The following FOXP2 variants were observed in gnomAD, a reference collection of about 807,000 sequenced individuals.
The protein encoded by FOXP2 is forkhead box protein P2.
A neutral mutation model predicts 115.8 loss-of-function variants in FOXP2; 12 were observed. That is an observed-to-expected ratio of 0.10 (90% CI 0.07 to 0.17). The LOEUF (loss-of-function observed/expected upper bound fraction) is 0.17, where lower values mean the gene tolerates loss of function less well. Among genes scored for constraint, FOXP2 ranks in the 10% least tolerant of loss-of-function variants. The pLI is 1.00. For missense variants in FOXP2, 629 were observed against 843.5 expected, an observed-to-expected ratio of 0.75 and a Z score of 3.15; for synonymous variants, 328 against 297.7, an observed-to-expected ratio of 1.10 and a Z score of -1.05.
intron 1 of FOXP2, among the ~76,000 whole-genome samples, chr7:114,164,507 A>G (rs1437117743): frequency 6.6e-6 from 1 of 151,628 alleles, no homozygotes. Flanking sequence ...CACCACACCC[A>G]GCTAACTTTT....
At chr7:114,111,732 G>T (rs1791272779) in intron 1 of FOXP2, among the ~76,000 whole-genome samples, 1 of 151,922 alleles carries the variant, frequency 6.6e-6, no homozygotes, top group Non-Finnish European at 1.5e-5. Flanking sequence ...CTGGTTGGAG[G>T]AAGAGATCTG....
chr7:114,624,373 T>C (rs1292992017), intron 3 of FOXP2, among the ~76,000 whole-genome samples: 1 of 151,912 alleles, frequency 6.6e-6, no homozygotes, highest in African/African-American at 2.4e-5. Flanking sequence ...TGTGAACCAC[T>C]AGTTGGCAGA....
chr7:114,297,613 A>T (rs901997307), intron 2 of FOXP2, among the ~76,000 whole-genome samples: 1 of 152,230 alleles, frequency 6.6e-6, no homozygotes, highest in African/African-American at 2.4e-5. Context: ...CATCTGAAAG[A>T]AGTCCTTGAC....
chr7:114,160,782 CTGTGTGTGTG>C (rs34540150), upstream of FOXP2, among the ~76,000 whole-genome samples: 6 of 147,362 alleles, frequency 4.1e-5, no homozygotes, highest in East Asian at 1.0e-3. Context: ...AGTATATTTT[CTGTGTGTGTG>C]TGTGTGTGTG....
Position 114,166,339 on chromosome 7 carries a change from A to T in FOXP2, c.-102+3251A>T, listed in dbSNP as rs1395124477. Among the ~76,000 whole-genome samples, 2 of 152,176 alleles carry T rather than the reference A, an allele frequency of 1.3e-5. 1 individual carries two copies. The highest frequency in any genetic ancestry group is 2.9e-5 in the Non-Finnish European group (2 of 68,028). ...AAGATAAGCCACAAACTGGGAGAAA[A>T]TATTTGTAAAATAGGTATCTGATAA... is the stretch of plus-strand genomic sequence containing the variant. On this transcript the variant is annotated intron_variant, in intron 1 of 17. Coordinates refer to the FOXP2 transcript ENST00000634411.
At chr7:114,504,000 T>C (rs1797688927) in intron 2 of FOXP2, among the ~76,000 whole-genome samples, 2 of 151,624 alleles carry the variant, frequency 1.3e-5, no homozygotes, top group East Asian at 3.9e-4. Flanking sequence ...ATACAACTTA[T>C]GGAAGTTCAA....
At chr7:114,522,014 A>T (rs974537799) in intron 2 of FOXP2, among the ~76,000 whole-genome samples, 1 of 152,192 alleles carries the variant, frequency 6.6e-6, no homozygotes, top group Non-Finnish European at 1.5e-5. Flanking sequence ...CTTTTAAATG[A>T]CTAGGTGCCA....
chr7:114,086,629 C>G (rs1799425165), upstream of FOXP2: 1 of 391,090 alleles, frequency 2.6e-6, no homozygotes, highest in Non-Finnish European at 5.1e-6. Context: ...TCTTGGCCCT[C>G]ACTCTGGCGC....
intron 10 of FOXP2, 48 bp from the exon 11 acceptor site, chr7:114,658,018 T>A: frequency 6.2e-7 from 1 of 1,607,086 alleles, no homozygotes; most frequent in Non-Finnish European, 8.5e-7. Context: ...TTTAAGTCTT[T>A]TTCTCTTGTC....
In FOXP2 at chr7:114,372,251, C is replaced by A. The variant is rs767625712; in HGVS notation, c.-10-54251C>A. On this transcript the variant is annotated intron_variant, in intron 2 of 17. Transcript: ENST00000634411. ...CAGGTACTTCCTAAATCCTTATATT[C>A]TATTTAAAAAAAACTGTTTGAAAGC... is the stretch of plus-strand genomic sequence containing the variant. Among the ~76,000 whole-genome samples the A allele has an allele frequency of 3.3e-5, 5 of 152,022 alleles. No homozygotes were observed. In the South Asian group the frequency reaches 6.2e-4, roughly 19 times the overall value.
chr7:114,100,970 C>T (rs1790933265), intron 1 of FOXP2, among the ~76,000 whole-genome samples: 1 of 152,106 alleles, frequency 6.6e-6, no homozygotes, highest in African/African-American at 2.4e-5. Context: ...ATTTGCAAAC[C>T]AGCAAATTAA....
At chr7:114,660,223 C>A (rs1282621509) in intron 13 of FOXP2, among the ~76,000 whole-genome samples, 1 of 152,128 alleles carries the variant, frequency 6.6e-6, no homozygotes, top group African/African-American at 2.4e-5. Context: ...TCATCTATAT[C>A]CCTGTCCAAA....
intron 1 of FOXP2, among the ~76,000 whole-genome samples, chr7:114,258,697 A>G (rs185978817): frequency 1.1e-4 from 16 of 152,358 alleles, no homozygotes; most frequent in Admixed American, 4.6e-4. Flanking sequence ...TTTATTTGAT[A>G]TATAAATTTA....
At position 114,146,274 on chromosome 7, in the gene FOXP2, T is replaced by G. The variant is rs1161260055; in HGVS notation, c.-246-16670T>G. ...CAGTAGCGTATAAATAACTCGTACA[T>G]GCTTAGCGTTCCAATAATGGAACAC... On this transcript the variant is annotated intron_variant, in intron 1 of 19. Coordinates refer to the FOXP2 transcript ENST00000635638. 2.6e-5 allele frequency among the ~76,000 whole-genome samples: 4 copies of G among 152,248 alleles called. No homozygotes were observed. The East Asian group carries it at 5.8e-4, about 22-fold the overall frequency.
chr7:114,669,473 G>A (rs990985014), intron 16 of FOXP2: 6 of 152,082 alleles, frequency 3.9e-5, no homozygotes, highest in African/African-American at 1.4e-4. Flanking sequence ...TTAAGTGTCC[G>A]AGCTGAGTAT....
chr7:114,275,773 T>C (rs1265716604), intron 1 of FOXP2, among the ~76,000 whole-genome samples: 2 of 152,242 alleles, frequency 1.3e-5, no homozygotes. Context: ...CATGATGTAC[T>C]TGGCAAAAGA....
rs1794654223 is a variant in FOXP2, at chr7:114,442,577, C to T, written c.168+15898C>T. 2.0e-5 allele frequency among the ~76,000 whole-genome samples: 3 copies of T among 152,228 alleles called. No individual in the cohort carries two copies. The South Asian group carries it at 6.2e-4, about 32-fold the overall frequency. On this transcript the variant is annotated intron_variant, in intron 2 of 16. Coordinates refer to ENST00000350908, the MANE Select transcript of FOXP2 (RefSeq NM_014491.4). ...GGCTCAGGTGATTCTCCCACCTCAG[C>T]CTCCTGAGTAGCTGGGACTACAGGC...
intron 3 of FOXP2, among the ~76,000 whole-genome samples, chr7:114,558,471 C>G (rs1800578368): frequency 6.6e-6 from 1 of 152,088 alleles, no homozygotes; most frequent in Non-Finnish European, 1.5e-5. Flanking sequence ...TTATATGGGG[C>G]TCTTGAAGAG....
rs939124707 is a variant in FOXP2, at chr7:114,625,968, G to T, written c.259-2572G>T. On this transcript the variant is annotated intron_variant, in intron 3 of 16. Transcript: ENST00000350908. The stretch of plus-strand genomic sequence containing the variant: ...TGTTCAATCATGTATGTGTTAATTG[G>T]CTCATCTTTCTATTTATTTTTATAT... 1.5e-4 allele frequency among the ~76,000 whole-genome samples: 23 copies of T among 151,592 alleles called. No individual in the cohort carries two copies. The East Asian group carries it at 4.1e-3, about 27-fold the overall frequency.
Sources: allele counts gnomAD v4.1 joint callset (sites outside exome capture counted in the v4.1 genomes callset), GRCh38; gene constraint gnomAD v4.1.1; transcripts MANE v1.5; gene names NCBI Gene and HGNC (gene_info 2026-07-23, HGNC 2026-07-21).